AGTRAP: variants seen among roughly 807,000 people sequenced by gnomAD.
AGTRAP encodes the protein angiotensin II receptor associated protein.
In AGTRAP, 7 loss-of-function variants were observed where a neutral mutation model predicts 15.2. The observed-to-expected ratio is 0.46, with a 90% CI of 0.26 to 0.87. The LOEUF is 0.87. AGTRAP is among the 40% of genes least tolerant of loss of function. The probability of loss-of-function intolerance (pLI) is 0.15; values close to 1 mark genes in which losing one functional copy is unlikely to be tolerated. For missense variants in AGTRAP, 187 were observed against 213.4 expected (o/e 0.88, Z 0.77); for synonymous variants, 74 against 89.6 (o/e 0.83, Z 0.98).
chr1:11,748,402 G>C lies in AGTRAP; in HGVS notation c.169-13G>C, dbSNP rs1251396825. On this transcript the variant is annotated splice_polypyrimidine_tract_variant and intron_variant, in intron 3 of 4. Transcript: ENST00000314340. ...TGGGGGTGTTGTGCTCATCAGTGTG[G>C]TGTGTCTTGCAGTTTCTGGGTGGCT... The C allele has an allele frequency of 6.2e-7, 1 of 1,611,438 alleles. No homozygotes were observed. Among genetic ancestry groups the C allele is most frequent in the Non-Finnish European group, 8.5e-7 (1 of 1,178,680 alleles).
intron 1 of AGTRAP, among the ~76,000 whole-genome samples, chr1:11,742,204 C>G (rs573105708): frequency 2.6e-5 from 4 of 152,342 alleles, no homozygotes; most frequent in African/African-American, 9.6e-5. Context: ...CCTGTGGAGT[C>G]TTGATCAACA....
intron 2 of AGTRAP, chr1:11,746,077 C>T (rs1344789345): frequency 1.3e-6 from 2 of 1,576,122 alleles, no homozygotes; most frequent in East Asian, 2.2e-5. Context: ...AGTGAGGCCT[C>T]AGCACTGCAG....
chr1:11,736,348 G>A (rs1641896245), intron 1 of AGTRAP, 113 bp downstream of exon 1: 1 of 1,440,584 alleles, frequency 6.9e-7, no homozygotes, highest in South Asian at 1.3e-5. Flanking sequence ...ATGGTAGGGA[G>A]GAAGGGAAGG....
At chr1:11,737,357 T>G (rs929734780) in intron 1 of AGTRAP, among the ~76,000 whole-genome samples, 3 of 152,202 alleles carry the variant, frequency 2.0e-5, no homozygotes, top group African/African-American at 7.2e-5. Flanking sequence ...GGTATCAATA[T>G]GCACTCTATT....
At chr1:11,738,023 G>A (rs1313405738) in intron 1 of AGTRAP, among the ~76,000 whole-genome samples, 1 of 152,174 alleles carries the variant, frequency 6.6e-6, no homozygotes, top group Non-Finnish European at 1.5e-5. Flanking sequence ...CAATATGTGG[G>A]ACATATTAAC....
chr1:11,748,503 G>A lies in AGTRAP; in HGVS notation c.257G>A (p.Arg86His), dbSNP rs145438001. 89 of 1,613,100 alleles carry A rather than the reference G, an allele frequency of 5.5e-5. No homozygotes were observed. Among genetic ancestry groups the A allele is most frequent in the African/African-American group, 3.6e-4 (27 of 75,054 alleles). The change falls in exon 4 of 5, where the codon CGC becomes CAC. Residue 86 changes from arginine to histidine, a missense_variant. Physicochemically the swap from Arg to His is conservative, Grantham distance 29. Transcript: ENST00000314340. The stretch of plus-strand genomic sequence containing the variant: ...CGGGTCAGCCTCACGGACACGGGCC[G>A]CTTTGGCGTGGGCATGGCCATCCTC... ...YPRVSLTDTG[R>H]FGVGMAILSL...
intron 1 of AGTRAP, among the ~76,000 whole-genome samples, chr1:11,740,181 T>A (rs1641994715): frequency 1.3e-5 from 2 of 152,218 alleles, no homozygotes; most frequent in Admixed American, 1.3e-4. Context: ...CCTGTGTCTC[T>A]TTGGCTACCA....
At chr1:11,736,419 C>T (rs796791271) in intron 1 of AGTRAP, among the ~76,000 whole-genome samples, 184 bp downstream of exon 1, 2 of 152,290 alleles carry the variant, frequency 1.3e-5, no homozygotes, top group African/African-American at 4.8e-5. Context: ...GTGATCCAGG[C>T]ACAGGCCAGC....
chr1:11,746,462 A>T (rs535757676), intron 2 of AGTRAP: 6 of 459,724 alleles, frequency 1.3e-5, no homozygotes, highest in Non-Finnish European at 2.4e-5. Flanking sequence ...TGAATGTCCT[A>T]TAAATCTAGG....
At chr1:11,746,275 C>G in intron 2 of AGTRAP, 1 of 1,446,506 alleles carries the variant, frequency 6.9e-7, no homozygotes, top group Non-Finnish European at 9.5e-7. Context: ...AGAAGCAGGG[C>G]CAAAATACAG....
At chr1:11,747,415 G>A (rs781089026) in intron 2 of AGTRAP, 25 bp from the exon 3 acceptor site, 14 of 1,608,948 alleles carry the variant, frequency 8.7e-6, no homozygotes, top group Non-Finnish European at 1.2e-5. Flanking sequence ...GCCTCCTGAC[G>A]GGACTGAGCT....
At position 11,750,111 on chromosome 1, in the gene AGTRAP, C is replaced by G. The variant is rs372020062; in HGVS notation, c.399C>G (p.Tyr133Ter). 6.2e-7 allele frequency: 1 copy of G among 1,614,114 alleles called. No individual in the cohort carries two copies. The change falls in exon 5 of 5, where the codon TAC becomes TAG. Residue 133 changes from tyrosine to a stop codon, truncating the protein, a stop_gained. Transcript: ENST00000314340. LOFTEE classifies it low-confidence loss of function (END_TRUNC). ...GGTCTTCTCAGGACCGTAGTGCCTA[C>G]CAGACGATTGACTCAGCAGAGGCGC... is the stretch of plus-strand genomic sequence containing the variant. Reference protein sequence around the residue: ...FLGSSQDRSAYQTIDSAEAPA... With the variant: ...FLGSSQDRSA
intron 2 of AGTRAP, among the ~76,000 whole-genome samples, chr1:11,746,825 A>G (rs1642175858): frequency 6.6e-6 from 1 of 151,880 alleles, no homozygotes; most frequent in Non-Finnish European, 1.5e-5. Context: ...TGGATTGACA[A>G]GTAAGTCAAC....
chr1:11,745,898 G>A lies in AGTRAP; in HGVS notation c.62+61G>A, dbSNP rs1181978540. On this transcript the variant is annotated intron_variant, in intron 2 of 4. Coordinates refer to ENST00000314340, the MANE Select transcript of AGTRAP (RefSeq NM_020350.5). This position sits in a 1 kb window ranked among gnomAD's most constrained non-coding sequence, Gnocchi z 4.2. ...CGGTCTCAGGGTCTGTGTCAGCCGG[G>A]TCAGGTCCTGGTTCTGCCGTGTTTT... is the stretch of plus-strand genomic sequence containing the variant. 4.4e-6 allele frequency: 7 copies of A among 1,602,296 alleles called. No individual in the cohort carries two copies. The highest frequency in any genetic ancestry group is 1.3e-5 in the African/African-American group (1 of 74,644).
At chr1:11,746,159 T>A in intron 2 of AGTRAP, 1 of 1,613,852 alleles carries the variant, frequency 6.2e-7, no homozygotes, top group East Asian at 2.2e-5. Flanking sequence ...AAACCAAGAC[T>A]GGAAACCATT....
intron 4 of AGTRAP, 53 bp downstream of exon 4, chr1:11,748,663 T>A (rs1372611143): frequency 1.3e-6 from 2 of 1,566,314 alleles, no homozygotes; most frequent in Non-Finnish European, 1.7e-6. Context: ...CTCCCTTGCC[T>A]GGCCTCCAGC....
At chr1:11,740,647 G>A (rs912050344) in intron 1 of AGTRAP, among the ~76,000 whole-genome samples, 3 of 152,084 alleles carry the variant, frequency 2.0e-5, no homozygotes, top group East Asian at 1.9e-4. Flanking sequence ...GGTATCCTGC[G>A]GATCAGAGGC....
At chr1:11,737,982 G>A (rs951527069) in intron 1 of AGTRAP, among the ~76,000 whole-genome samples, 3 of 152,180 alleles carry the variant, frequency 2.0e-5, no homozygotes, top group African/African-American at 7.2e-5. Context: ...GATCAACAAC[G>A]AACAGTTTTT....
At chr1:11,738,820 C>T (rs1051155827) in intron 1 of AGTRAP, among the ~76,000 whole-genome samples, 4 of 152,172 alleles carry the variant, frequency 2.6e-5, no homozygotes, top group South Asian at 2.1e-4. Context: ...CCCTGGGCCC[C>T]GGCCACCCTG....
Sources: gnomAD v4.1 joint callset for allele counts (sites outside exome capture counted in the v4.1 genomes callset) on GRCh38, gnomAD v4.1.1 for gene constraint, Gnocchi (gnomAD v3.1) non-coding constraint, MANE v1.5 for transcripts, NCBI Gene and HGNC (gene_info 2026-07-23, HGNC 2026-07-21) for gene names.